Variants in RNF175 observed in about 807,000 individuals in gnomAD.
The protein encoded by RNF175 is ring finger protein 175.
A neutral mutation model predicts 50.0 loss-of-function variants in RNF175; 38 were observed. The observed-to-expected ratio is 0.76, with a 90% CI of 0.59 to 1.00. The LOEUF is 1.00. Among genes scored for constraint, RNF175 ranks in the 50% least tolerant of loss-of-function variants. The pLI, the probability that RNF175 is intolerant of heterozygous loss-of-function variation, is 0.00. For synonymous variants in RNF175, 155 were observed against 146.1 expected (o/e 1.06, Z -0.44); for missense variants, 388 against 409.6 (o/e 0.95, Z 0.46).
At chr4:153,715,702 G>A in intron 6 of RNF175, 40 bp from the exon 7 acceptor site, 1 of 1,589,428 alleles carries the variant, frequency 6.3e-7, no homozygotes, top group South Asian at 1.1e-5. Context: ...AGAAAGGAGA[G>A]CACATGCCAC....
intron 1 of RNF175, among the ~76,000 whole-genome samples, chr4:153,753,026 A>C (rs1045724202): frequency 6.6e-6 from 1 of 152,166 alleles, no homozygotes; most frequent in Admixed American, 6.5e-5. Context: ...CACTAGAACA[A>C]TAGCAAAAGG....
chr4:153,719,364 T>C (rs1471795987), intron 6 of RNF175, among the ~76,000 whole-genome samples: 1 of 152,212 alleles, frequency 6.6e-6, no homozygotes, highest in Non-Finnish European at 1.5e-5. Context: ...ATTGATGGGT[T>C]GTTTCCATGT....
intron 4 of RNF175, among the ~76,000 whole-genome samples, chr4:153,725,087 G>T (rs1322980657): frequency 1.4e-5 from 2 of 142,460 alleles, no homozygotes; most frequent in Non-Finnish European, 3.1e-5. Context: ...GGAGCGGGCA[G>T]GGGTGAGCTG....
chr4:153,728,364 G>A lies in RNF175; in HGVS notation c.247-3C>T. ...CACATCTGCAACAAGGTCACCAGCT[G>A]TCAGAGAAATGAACAGGAAGTATCT... On this transcript the variant is annotated splice_region_variant and splice_polypyrimidine_tract_variant and intron_variant, in intron 3 of 8. Coordinates refer to ENST00000347063, the MANE Select transcript of RNF175 (RefSeq NM_173662.4). 1 of 1,612,832 alleles carries A rather than the reference G, an allele frequency of 6.2e-7. No homozygotes were observed. Among genetic ancestry groups the A allele is most frequent in the Non-Finnish European group, 8.5e-7 (1 of 1,179,172 alleles).
chr4:153,731,316 C>T (rs939218702), intron 3 of RNF175, among the ~76,000 whole-genome samples: 3 of 152,098 alleles, frequency 2.0e-5, no homozygotes, highest in Non-Finnish European at 1.5e-5. Flanking sequence ...GAAATCGAGG[C>T]ACATACATGC....
chr4:153,713,489 T>A (rs1259628447), intron 7 of RNF175: 4 of 152,352 alleles, frequency 2.6e-5, no homozygotes, highest in African/African-American at 9.6e-5. Context: ...TGAACTATAA[T>A]GAAATCCATC....
At chr4:153,758,646 C>T (rs941187778) in intron 1 of RNF175, among the ~76,000 whole-genome samples, 11 of 152,174 alleles carry the variant, frequency 7.2e-5, no homozygotes, top group African/African-American at 2.7e-4. Context: ...TTTTGTGGTA[C>T]ACAAGCCCCT....
At chr4:153,758,436 A>G (rs1029352802) in intron 1 of RNF175, among the ~76,000 whole-genome samples, 1 of 152,144 alleles carries the variant, frequency 6.6e-6, no homozygotes, top group African/African-American at 2.4e-5. Flanking sequence ...GGCAGCCTCA[A>G]CAGAGAGGCC....
At chr4:153,741,373 C>G (rs1739647583) in intron 3 of RNF175, among the ~76,000 whole-genome samples, 1 of 152,230 alleles carries the variant, frequency 6.6e-6, no homozygotes, top group Non-Finnish European at 1.5e-5. Flanking sequence ...TTTTCATTGT[C>G]AGACCCCGGT....
intron 3 of RNF175, among the ~76,000 whole-genome samples, chr4:153,732,550 G>C (rs1236176869): frequency 6.6e-6 from 1 of 152,148 alleles, no homozygotes; most frequent in East Asian, 1.9e-4. Flanking sequence ...GATTTAAATA[G>C]AGCAATGCTT....
At chr4:153,754,887 T>C (rs1364049795) in intron 1 of RNF175, among the ~76,000 whole-genome samples, 1 of 152,228 alleles carries the variant, frequency 6.6e-6, no homozygotes, top group Non-Finnish European at 1.5e-5. Context: ...AGCATGACCC[T>C]GTTGACACCT....
At chr4:153,712,144 T>G (rs1477388595) in intron 8 of RNF175, among the ~76,000 whole-genome samples, 1 of 152,252 alleles carries the variant, frequency 6.6e-6, no homozygotes, top group Non-Finnish European at 1.5e-5. Context: ...TCCAGTTCAC[T>G]CATTTATTCA....
intron 3 of RNF175, among the ~76,000 whole-genome samples, chr4:153,733,755 C>T (rs1196873794): frequency 1.3e-5 from 2 of 152,156 alleles, no homozygotes; most frequent in African/African-American, 2.4e-5. Flanking sequence ...TTTTGAAGTC[C>T]GGTTTTTGTG....
chr4:153,718,338 T>C (rs1359764823), intron 6 of RNF175, among the ~76,000 whole-genome samples: 1 of 151,128 alleles, frequency 6.6e-6, no homozygotes, highest in Non-Finnish European at 1.5e-5. Context: ...GAATGGAGAC[T>C]GTATGTCCTT....
At position 153,750,514 on chromosome 4, in the gene RNF175, T is replaced by C. The variant is rs1740230598; in HGVS notation, c.104+924A>G. On this transcript the variant is annotated intron_variant, in intron 2 of 8. Transcript: ENST00000347063. ...AGAATGTCAGTGCTGGAAGTTACCA[T>C]AGATGGAATGAATCTCCCTCATTTA... Among the ~76,000 whole-genome samples, 7 of 152,212 alleles carry C rather than the reference T, an allele frequency of 4.6e-5. No individual in the cohort carries two copies. The South Asian group carries it at 1.2e-3, about 27-fold the overall frequency.
chr4:153,727,525 A>G (rs1738769119), intron 4 of RNF175: 1 of 152,252 alleles, frequency 6.6e-6, no homozygotes, highest in Non-Finnish European at 1.5e-5. Context: ...TATTCTTCCA[A>G]AAGGTCAAAT....
rs1046800453 is a variant in RNF175, at chr4:153,760,002, C to G, written c.-140G>C. The G allele has an allele frequency of 9.8e-4, 451 of 461,010 alleles. 1 individual carries two copies. The highest frequency in any genetic ancestry group is 1.3e-3 in the Non-Finnish European group (363 of 277,288). The allele number at this position is 461,010 out of a possible 1,614,324, so 28.6% of individuals were successfully genotyped here. On this transcript the variant is annotated 5_prime_UTR_variant, in exon 1 of 9. Transcript: ENST00000347063. ...GGCGGCGGCGGAGCGGCGGCCCTGCCCGGGTTGTGCGGGGCGGGAGATGGG... is the reference window on the plus strand; with the variant it reads ...GGCGGCGGCGGAGCGGCGGCCCTGCGCGGGTTGTGCGGGGCGGGAGATGGG...
At chr4:153,748,847 A>T (rs1560794552) in intron 2 of RNF175, 61 bp from the exon 3 acceptor site, 1 of 1,404,902 alleles carries the variant, frequency 7.1e-7, no homozygotes, top group Admixed American at 2.8e-5. Flanking sequence ...TTAGCAAAAA[A>T]AACAAAAAAC....
intron 6 of RNF175, among the ~76,000 whole-genome samples, chr4:153,718,397 C>T (rs764417555): frequency 1.3e-5 from 2 of 151,922 alleles, no homozygotes; most frequent in Non-Finnish European, 2.9e-5. Context: ...CACACACACA[C>T]ACCCCTTATT....
Sources: allele counts gnomAD v4.1 joint callset (sites outside exome capture counted in the v4.1 genomes callset), GRCh38; gene constraint gnomAD v4.1.1; transcripts MANE v1.5; gene names NCBI Gene and HGNC (gene_info 2026-07-23, HGNC 2026-07-21).